Variants in LYRM4 observed in about 807,000 individuals in gnomAD.
LYRM4 encodes the protein LYR motif-containing protein 4.
In LYRM4, 9 loss-of-function variants were observed where a neutral mutation model predicts 11.7. That is an observed-to-expected ratio of 0.77 (90% CI 0.46 to 1.34). LYRM4 has a LOEUF of 1.34. Ranked by LOEUF, LYRM4 falls within the 40% of genes most tolerant of loss-of-function variation. The pLI, the probability that LYRM4 is intolerant of heterozygous loss-of-function variation, is 0.00. For synonymous variants in LYRM4, 42 were observed against 40.4 expected (o/e 1.04, Z -0.15); for missense variants, 133 against 112.5 (o/e 1.18, Z -0.82).
At chr6:5,093,255 G>GT in the LYRM4 span, among the ~76,000 whole-genome samples, 8 of 152,158 alleles carry the variant, frequency 5.3e-5, no homozygotes, top group Non-Finnish European at 1.0e-4. Context: ...CTTTTTGTTT[G>GT]TTTTTTTGTT....
At chr6:5,145,226 C>A (rs1161353438) in intron 2 of LYRM4, among the ~76,000 whole-genome samples, 1 of 152,198 alleles carries the variant, frequency 6.6e-6, no homozygotes, top group East Asian at 1.9e-4. Flanking sequence ...CCCTTTCTCC[C>A]ATTTGCTCCC....
chr6:5,167,191 G>A (rs1759134994), intron 2 of LYRM4, among the ~76,000 whole-genome samples: 1 of 152,146 alleles, frequency 6.6e-6, no homozygotes, highest in Non-Finnish European at 1.5e-5. Flanking sequence ...CCTTACATTA[G>A]TCTTTTTGTT....
At chr6:5,120,611 C>T (rs1338742263) in intron 2 of LYRM4, among the ~76,000 whole-genome samples, 5 of 152,192 alleles carry the variant, frequency 3.3e-5, no homozygotes, top group Admixed American at 6.5e-5. Context: ...CCTTATTTGT[C>T]TCTGCCCATG....
At chr6:5,100,757 C>T (rs894584757), downstream of LYRM4, among the ~76,000 whole-genome samples, 2 of 152,214 alleles carry the variant, frequency 1.3e-5, no homozygotes, top group African/African-American at 4.8e-5. Flanking sequence ...ACGTGTGTTC[C>T]TGTTAAGGGG....
chr6:5,044,908 C>T, the LYRM4 span, among the ~76,000 whole-genome samples: 486 of 152,296 alleles, frequency 3.2e-3, 2 homozygotes, highest in African/African-American at 9.8e-3. Flanking sequence ...CTCCTGGGCA[C>T]GCAGGAAAGT....
At chr6:5,035,214 A>G in the LYRM4 span, among the ~76,000 whole-genome samples, 6 of 152,032 alleles carry the variant, frequency 3.9e-5, no homozygotes, top group East Asian at 1.2e-3. Context: ...CTCGAATCAC[A>G]AGAATTGGCT....
rs1762404980 is a variant in LYRM4 at position 5,218,489 on chromosome 6, AT to A, written c.87-1752del. On this transcript the variant is annotated intron_variant, in intron 1 of 2. Coordinates refer to ENST00000330636, the MANE Select transcript of LYRM4 (RefSeq NM_020408.6). ...ATTAAAAAATTCAAATGTCAGGTCT[AT>A]TTGCATTTAAAAGCAAGAGTAAAAC... The A allele has an allele frequency of 3.4e-5, 18 of 531,490 alleles. No homozygotes were observed. In the South Asian group the frequency reaches 1.5e-3, roughly 43 times the overall value. The allele number at this position is 531,490 out of a possible 1,614,324, so 32.9% of individuals were successfully genotyped here.
chr6:5,086,219 C>A, the LYRM4 span: 19 of 1,535,252 alleles, frequency 1.2e-5, no homozygotes, highest in South Asian at 2.3e-4. Flanking sequence ...TGCCCTGGGC[C>A]CAGGGCCGTG....
chr6:5,120,889 C>G (rs545933589), intron 2 of LYRM4, among the ~76,000 whole-genome samples: 1 of 152,336 alleles, frequency 6.6e-6, no homozygotes, highest in South Asian at 2.1e-4. Flanking sequence ...CAAGTCCCCA[C>G]TCGACCCAGG....
At chr6:5,068,610 G>A in the LYRM4 span, among the ~76,000 whole-genome samples, 7 of 152,256 alleles carry the variant, frequency 4.6e-5, no homozygotes, top group East Asian at 7.7e-4. This position sits in a 1 kb window ranked among gnomAD's most constrained non-coding sequence, Gnocchi z 4.0. Context: ...GGCCCACTGC[G>A]TGCTGTCTCT....
Position 5,108,504 on chromosome 6 carries a change from G to T in LYRM4, c.*919C>A. The T allele has an allele frequency of 1.3e-6, 1 of 753,614 alleles. No individual in the cohort carries two copies. The highest frequency in any genetic ancestry group is 1.6e-6 in the Non-Finnish European group (1 of 617,922). 46.7% of individuals were successfully genotyped at this position (753,614 alleles called of 1,614,324 possible). A position where few individuals can be genotyped will look rare whatever the true frequency, so the allele number is the denominator to read the frequency against. On this transcript the variant is annotated 3_prime_UTR_variant, in exon 3 of 3. Coordinates refer to ENST00000330636, the MANE Select transcript of LYRM4 (RefSeq NM_020408.6). ...GTTGGTTAAACATTGAAAACAGTGG[G>T]AGAGCTTCAGAATAGAGAAAAATGA...
the LYRM4 span, among the ~76,000 whole-genome samples, chr6:5,080,085 G>A: frequency 6.6e-6 from 1 of 152,172 alleles, no homozygotes; most frequent in East Asian, 1.9e-4. Context: ...ACATTGAAAA[G>A]AACTTGGAGT....
rs1759892643 is a variant in LYRM4 at position 5,178,934 on chromosome 6, A to T, written c.207+37684T>A. 2.6e-5 allele frequency among the ~76,000 whole-genome samples: 4 copies of T among 151,694 alleles called. No individual in the cohort carries two copies. The South Asian group carries it at 8.3e-4, about 31-fold the overall frequency. ...TGGCAGTTTGAATCCACCGTTTCAA[A>T]AGCTGAATAAAGCATATATTTTTAC... On this transcript the variant is annotated intron_variant, in intron 2 of 2. Coordinates refer to ENST00000330636, the MANE Select transcript of LYRM4 (RefSeq NM_020408.6).
chr6:5,061,021 CAA>C, the LYRM4 span, among the ~76,000 whole-genome samples: 3 of 152,148 alleles, frequency 2.0e-5, no homozygotes, highest in Admixed American at 2.0e-4. Context: ...GGTGCAGCCT[CAA>C]GAGGGGACAC....
intron 1 of LYRM4, among the ~76,000 whole-genome samples, chr6:5,248,483 A>G (rs1459166336): frequency 6.6e-6 from 1 of 152,226 alleles, no homozygotes; most frequent in Non-Finnish European, 1.5e-5. Flanking sequence ...ACAGCATACA[A>G]AGCTCTCTGT....
In LYRM4 at chr6:5,151,895, T is replaced by G. The variant is rs182285520; in HGVS notation, c.208-42404A>C. Among the ~76,000 whole-genome samples, 292 of 152,302 alleles carry G rather than the reference T, an allele frequency of 1.9e-3. 1 individual carries two copies. Among genetic ancestry groups the G allele is most frequent in the African/African-American group, 6.0e-3 (251 of 41,564 alleles). ...TTTTCCTTGTTCTTTTCTACCAGTA[T>G]TTTTCCCATTTTGCTTTCTGGGAGA... On this transcript the variant is annotated intron_variant, in intron 2 of 2. Coordinates refer to ENST00000330636, the MANE Select transcript of LYRM4 (RefSeq NM_020408.6).
In LYRM4 at chr6:5,136,505, T is replaced by C. The variant is rs1757109026; in HGVS notation, c.208-27014A>G. On this transcript the variant is annotated intron_variant, in intron 2 of 2. Transcript: ENST00000330636. ...TTGGGTTTCACCTAACCCTGTAGTC[T>C]CAGTTTCCTTACCTACAGAATGGGA... The C allele has an allele frequency of 1.8e-5, 17 of 938,442 alleles. 1 individual carries two copies. In the South Asian group the frequency reaches 7.9e-4, roughly 43 times the overall value. 58.1% of individuals were successfully genotyped at this position (938,442 alleles called of 1,614,324 possible).
At chr6:5,184,433 G>A (rs1760260128) in intron 2 of LYRM4, among the ~76,000 whole-genome samples, 1 of 152,092 alleles carries the variant, frequency 6.6e-6, no homozygotes, top group African/African-American at 2.4e-5. Flanking sequence ...GTCCAAAAGG[G>A]ACCTATATTA....
intron 1 of LYRM4, among the ~76,000 whole-genome samples, chr6:5,252,254 AT>A (rs1192532109): frequency 6.6e-6 from 1 of 152,202 alleles, no homozygotes; most frequent in East Asian, 1.9e-4. Flanking sequence ...TCTGAAAAGA[AT>A]GGGGTTGTGG....
Sources: allele counts gnomAD v4.1 joint callset (sites outside exome capture counted in the v4.1 genomes callset), GRCh38; gene constraint gnomAD v4.1.1; non-coding constraint Gnocchi (gnomAD v3.1); transcripts MANE v1.5; gene names NCBI Gene and HGNC (gene_info 2026-07-23, HGNC 2026-07-21).